GFRA1: variants seen among roughly 807,000 people sequenced by gnomAD.
GFRA1 encodes the protein GDNF family receptor alpha-1.
GFRA1 carries 16 observed loss-of-function variants against 51.6 expected under a neutral mutation model. The ratio of observed to expected loss-of-function variants is 0.31; its 90% CI spans 0.21 to 0.47. GFRA1 has a LOEUF of 0.47. GFRA1 is among the 20% of genes least tolerant of loss of function. The pLI is 1.00. For synonymous variants in GFRA1, 270 were observed against 241.3 expected, an observed-to-expected ratio of 1.12 and a Z score of -1.10; for missense variants, 530 against 594.3, an observed-to-expected ratio of 0.89 and a Z score of 1.13.
At chr10:116,254,638 A>C (rs1968680668) in intron 4 of GFRA1, among the ~76,000 whole-genome samples, 1 of 152,176 alleles carries the variant, frequency 6.6e-6, no homozygotes. Context: ...TTTCACTCTG[A>C]CCTCAGGGCT....
intron 4 of GFRA1, among the ~76,000 whole-genome samples, chr10:116,225,595 AAT>A (rs1966235669): frequency 8.1e-6 from 1 of 123,356 alleles, no homozygotes; most frequent in Non-Finnish European, 1.9e-5. Flanking sequence ...GTGTGAAACT[AAT>A]TTTTTTTTTT....
At chr10:116,116,220 G>T (rs1957407250) in intron 6 of GFRA1, among the ~76,000 whole-genome samples, 1 of 152,134 alleles carries the variant, frequency 6.6e-6, no homozygotes, top group Non-Finnish European at 1.5e-5. Flanking sequence ...TCAGCCTCTG[G>T]AGTAGTTGGG....
intron 5 of GFRA1, among the ~76,000 whole-genome samples, chr10:116,185,416 C>A (rs1052788806): frequency 3.3e-5 from 5 of 152,134 alleles, no homozygotes; most frequent in African/African-American, 1.2e-4. Flanking sequence ...CCCGGCGCAC[C>A]TCCTTTGAAC....
chr10:116,065,978 A>T (rs1955093595), intron 9 of GFRA1, among the ~76,000 whole-genome samples: 4 of 152,188 alleles, frequency 2.6e-5, no homozygotes, highest in Admixed American at 2.6e-4. Context: ...GTGGCTCCTG[A>T]AGGAGCAGCC....
intron 5 of GFRA1, among the ~76,000 whole-genome samples, chr10:116,187,170 G>C (rs1962802761): frequency 6.6e-6 from 1 of 152,204 alleles, no homozygotes; most frequent in African/African-American, 2.4e-5. Context: ...ACTTGCATCA[G>C]TTAATAAAAG....
In GFRA1 at chr10:116,179,035, T is replaced by C. The variant is rs148511762; in HGVS notation, c.433+32596A>G. Among the ~76,000 whole-genome samples, 47 of 152,258 alleles carry C rather than the reference T, an allele frequency of 3.1e-4. 1 individual carries two copies. The East Asian group carries it at 7.0e-3, about 23-fold the overall frequency. Reference sequence around the variant, plus strand: ...TTACCGACTGCTGGTGCGCACGGTGTATGTTCATGCAGAGGAAGTTACACA... The same window carrying C: ...TTACCGACTGCTGGTGCGCACGGTGCATGTTCATGCAGAGGAAGTTACACA... On this transcript the variant is annotated intron_variant, in intron 5 of 10. Transcript: ENST00000355422.
In GFRA1 at chr10:116,064,175, A is replaced by AC. The variant is rs1285829136; in HGVS notation, c.*222_*223insG. 3.7e-6 allele frequency: 2 copies of AC among 542,118 alleles called. No individual in the cohort carries two copies. Among genetic ancestry groups the AC allele is most frequent in the Non-Finnish European group, 6.6e-6 (2 of 303,504 alleles). The allele number at this position is 542,118 out of a possible 1,614,324, so 33.6% of individuals were successfully genotyped here. On this transcript the variant is annotated 3_prime_UTR_variant, in exon 11 of 11. Transcript: ENST00000355422. ...GTCCCTTTAAAATACAGCATATCCC[A>AC]AAGCCTTCTGAGTTTGGATGGAGCA...
At chr10:116,241,489 G>A (rs548240090) in intron 4 of GFRA1, among the ~76,000 whole-genome samples, 46 of 152,296 alleles carry the variant, frequency 3.0e-4, no homozygotes, top group South Asian at 1.2e-3. Flanking sequence ...TTCCCAACAT[G>A]AGCATCCTCA....
At chr10:116,193,444 G>T (rs1963446404) in intron 5 of GFRA1, among the ~76,000 whole-genome samples, 1 of 152,112 alleles carries the variant, frequency 6.6e-6, no homozygotes, top group Admixed American at 6.6e-5. Context: ...CACACTTTGG[G>T]AATAAAAGAT....
chr10:116,124,268 C>T (rs528904694), intron 6 of GFRA1, among the ~76,000 whole-genome samples: 3 of 150,810 alleles, frequency 2.0e-5, no homozygotes, highest in Non-Finnish European at 4.4e-5. Context: ...TCACTCTTGT[C>T]GCCCAGGCTG....
At chr10:116,114,903 A>AAGAT (rs1957352165) in intron 6 of GFRA1, among the ~76,000 whole-genome samples, 1 of 152,168 alleles carries the variant, frequency 6.6e-6, no homozygotes, top group African/African-American at 2.4e-5. Context: ...CATCCCTGTG[A>AAGAT]AGATGGAGTC....
chr10:116,094,754 A>G (rs1415635901), intron 7 of GFRA1, among the ~76,000 whole-genome samples: 2 of 152,230 alleles, frequency 1.3e-5, no homozygotes, highest in Non-Finnish European at 2.9e-5. Flanking sequence ...TCTTTGCCCT[A>G]TATTCTTTAC....
At chr10:116,193,409 T>A (rs1170623222) in intron 5 of GFRA1, among the ~76,000 whole-genome samples, 2 of 152,120 alleles carry the variant, frequency 1.3e-5, no homozygotes, top group East Asian at 1.9e-4. Context: ...CCAAACACAC[T>A]TTGGGGAGAT....
chr10:116,065,699 T>G, intron 9 of GFRA1, 73 bp from the exon 10 acceptor site: 3 of 1,176,810 alleles, frequency 2.5e-6, no homozygotes, highest in Non-Finnish European at 3.8e-6. Context: ...ATCAGTCAGC[T>G]GTCTAGGGCA....
rs78463055 is a variant in GFRA1, at chr10:116,207,546, C to T, written c.433+4085G>A. On this transcript the variant is annotated intron_variant, in intron 5 of 10. Transcript: ENST00000355422. ...ACCCCCTTTCTTTGTTGCCAGTGGTCCTGGAGACCTTGGAATTTGGTGTCT... is the reference window on the plus strand; with the variant it reads ...ACCCCCTTTCTTTGTTGCCAGTGGTTCTGGAGACCTTGGAATTTGGTGTCT... Among the ~76,000 whole-genome samples the T allele has an allele frequency of 7.3e-3, 1,111 of 152,160 alleles. 9 individuals carry two copies. Among genetic ancestry groups the T allele is most frequent in the African/African-American group, 0.025 (1,049 of 41,512 alleles).
intron 4 of GFRA1, among the ~76,000 whole-genome samples, chr10:116,216,454 A>G (rs1016096080): frequency 2.0e-5 from 3 of 152,194 alleles, no homozygotes; most frequent in Non-Finnish European, 4.4e-5. Flanking sequence ...TCCATAGTCC[A>G]TAACTATGGT....
At position 116,263,287 on chromosome 10, in the gene GFRA1, G is replaced by A. The variant is rs192672486; in HGVS notation, c.418+6216C>T. Among the ~76,000 whole-genome samples the A allele has an allele frequency of 3.3e-5, 5 of 152,288 alleles. No homozygotes were observed. In the East Asian group the frequency reaches 5.8e-4, roughly 18 times the overall value. On this transcript the variant is annotated intron_variant, in intron 4 of 10. Coordinates refer to ENST00000355422, the MANE Select transcript of GFRA1 (RefSeq NM_005264.8). ...CTTGAGTCAGGAGCAAGCCAACATC[G>A]CCTTAGTGTAGCTTTAAAAAGGACT...
chr10:116,064,482 A>G lies in GFRA1; in HGVS notation c.1314T>C (p.Ala438=), dbSNP rs753323238. The change falls in exon 11 of 11, where the codon GCT becomes GCC. Residue 438 remains alanine, a synonymous_variant. Coordinates refer to ENST00000355422, the MANE Select transcript of GFRA1 (RefSeq NM_005264.8). ...GTGGGCTCAGACCACAGCTTGGAGG[A>G]GCAGCCATTGATTTTGTGGTTATGT... ...SSHITTKSMA[A]PPSCGLSPLL... is the part of the protein sequence containing the mutation. The G allele has an allele frequency of 1.2e-6, 2 of 1,613,020 alleles. No homozygotes were observed. The highest frequency in any genetic ancestry group is 1.7e-6 in the Non-Finnish European group (2 of 1,179,394).
At chr10:116,088,717 G>A (rs1371040557) in intron 9 of GFRA1, among the ~76,000 whole-genome samples, 4 of 151,918 alleles carry the variant, frequency 2.6e-5, no homozygotes, top group East Asian at 1.9e-4. Context: ...TCGGGAGATC[G>A]AGACCATCCT....
Sources: gnomAD v4.1 joint callset for allele counts (sites outside exome capture counted in the v4.1 genomes callset) on GRCh38, gnomAD v4.1.1 for gene constraint, MANE v1.5 for transcripts, NCBI Gene and HGNC (gene_info 2026-07-23, HGNC 2026-07-21) for gene names.